Variants in CRACD observed in about 807,000 individuals in gnomAD.
CRACD encodes capping protein inhibiting regulator of actin dynamics.
In CRACD, 56 loss-of-function variants were observed where a neutral mutation model predicts 106.8. The observed-to-expected ratio is 0.52, with a 90% CI of 0.42 to 0.66. The LOEUF (loss-of-function observed/expected upper bound fraction) is 0.66, where lower values mean the gene tolerates loss of function less well. Among genes scored for constraint, CRACD ranks in the 30% least tolerant of loss-of-function variants. CRACD has a pLI of 0.00. For synonymous variants in CRACD, 754 were observed against 670.8 expected (o/e 1.12, Z -1.92); for missense variants, 1,730 against 1,623.2 (o/e 1.07, Z -1.13).
intron 1 of CRACD, among the ~76,000 whole-genome samples, chr4:56,064,272 T>C (rs1732383845): frequency 6.6e-6 from 1 of 151,750 alleles, no homozygotes; most frequent in East Asian, 1.9e-4. Flanking sequence ...ATTTGCAAAT[T>C]TCTTCCATTC....
chr4:56,052,037 C>T (rs1284743571), intron 1 of CRACD, among the ~76,000 whole-genome samples: 1 of 152,120 alleles, frequency 6.6e-6, no homozygotes, highest in Non-Finnish European at 1.5e-5. Context: ...TAATGTAAAG[C>T]AATGGCTTTT....
chr4:56,235,348 G>A (rs897075278), intron 2 of CRACD, among the ~76,000 whole-genome samples: 1 of 152,214 alleles, frequency 6.6e-6, no homozygotes, highest in Non-Finnish European at 1.5e-5. Flanking sequence ...CTTTCATTTT[G>A]TGAGATGTCT....
chr4:56,253,546 C>A (rs1741168254), intron 2 of CRACD, among the ~76,000 whole-genome samples: 1 of 152,154 alleles, frequency 6.6e-6, no homozygotes, highest in Non-Finnish European at 1.5e-5. Context: ...AAAAGGATTT[C>A]TCCTCATTGC....
intron 4 of CRACD, among the ~76,000 whole-genome samples, chr4:56,307,320 A>G (rs1301459053): frequency 1.3e-5 from 2 of 152,124 alleles, no homozygotes; most frequent in African/African-American, 4.8e-5. Context: ...TCATGGCTTG[A>G]AGGTGGGAAA....
Position 56,324,130 on chromosome 4 carries a change from C to T in CRACD, c.3405C>T (p.Ser1135=). 2 of 1,613,274 alleles carry T rather than the reference C, an allele frequency of 1.2e-6. No individual in the cohort carries two copies. The highest frequency in any genetic ancestry group is 1.7e-6 in the Non-Finnish European group (2 of 1,179,646). The change falls in exon 10 of 11, where the codon AGC becomes AGT. Residue 1135 remains serine, a synonymous_variant. Transcript: ENST00000682029. ...ENVSVSVQPG[S]SSVSRAGSLH... ...TCAGTGTCAGCGTGCAGCCTGGAAG[C>T]AGCAGTGTCAGCAGAGCAGGTTCCC... is the stretch of plus-strand genomic sequence containing the variant.
At chr4:56,117,277 T>TC (rs999537819) in intron 1 of CRACD, among the ~76,000 whole-genome samples, 1 of 152,110 alleles carries the variant, frequency 6.6e-6, no homozygotes, top group African/African-American at 2.4e-5. Flanking sequence ...CGTCTCGGCC[T>TC]CCCAAAGTGC....
intron 4 of CRACD, among the ~76,000 whole-genome samples, chr4:56,299,412 A>T (rs767714259): frequency 6.6e-6 from 1 of 151,804 alleles, no homozygotes; most frequent in Non-Finnish European, 1.5e-5. Context: ...GCTCACTCCT[A>T]TAATTCCAGC....
chr4:56,086,368 C>G lies in CRACD; in HGVS notation c.-336+37069C>G, dbSNP rs146735867. On this transcript the variant is annotated intron_variant, in intron 1 of 10. Coordinates refer to ENST00000682029, the MANE Select transcript of CRACD (RefSeq NM_001393381.1). The stretch of plus-strand genomic sequence containing the variant: ...TCATGGCTCATTACAGCCTTGACCT[C>G]CTGGCCTCAAGCAATCCTCCTACCT... 1.2e-3 allele frequency among the ~76,000 whole-genome samples: 184 copies of G among 152,140 alleles called. 1 individual carries two copies. The highest frequency in any genetic ancestry group is 4.2e-3 in the African/African-American group (174 of 41,452).
chr4:56,107,114 G>A (rs1365020271), intron 1 of CRACD, among the ~76,000 whole-genome samples: 5 of 152,012 alleles, frequency 3.3e-5, no homozygotes, highest in East Asian at 1.9e-4. Context: ...CTGGGACTAC[G>A]GGCATGTGCC....
At chr4:56,225,270 T>G (rs1291578196) in intron 2 of CRACD, among the ~76,000 whole-genome samples, 1 of 152,188 alleles carries the variant, frequency 6.6e-6, no homozygotes, top group Non-Finnish European at 1.5e-5. Flanking sequence ...TTTTTTGTAG[T>G]TTTAGTAGAG....
intron 1 of CRACD, among the ~76,000 whole-genome samples, chr4:56,156,252 G>A (rs1210053813): frequency 1.3e-5 from 2 of 152,146 alleles, no homozygotes; most frequent in African/African-American, 2.4e-5. Context: ...ATGAGCCACC[G>A]CACCTGGCCG....
At chr4:56,246,251 T>C (rs913721103) in intron 2 of CRACD, among the ~76,000 whole-genome samples, 6 of 152,236 alleles carry the variant, frequency 3.9e-5, no homozygotes, top group African/African-American at 1.4e-4. Context: ...TTCTCATCTC[T>C]GCCCTCTCAT....
At chr4:56,119,713 G>A (rs1423573434) in intron 1 of CRACD, among the ~76,000 whole-genome samples, 1 of 151,938 alleles carries the variant, frequency 6.6e-6, no homozygotes, top group Non-Finnish European at 1.5e-5. Context: ...ATGACTTCTG[G>A]AAAGATATCC....
intron 10 of CRACD, among the ~76,000 whole-genome samples, chr4:56,326,884 C>T (rs986766336): frequency 2.6e-5 from 4 of 152,022 alleles, no homozygotes; most frequent in African/African-American, 9.7e-5. Flanking sequence ...GGATTACAGA[C>T]ACCTGCCAAC....
intron 1 of CRACD, among the ~76,000 whole-genome samples, chr4:56,081,847 A>G (rs1163950689): frequency 1.3e-5 from 2 of 152,032 alleles, no homozygotes; most frequent in African/African-American, 4.8e-5. Flanking sequence ...GTAGTGGTGC[A>G]CGCCCGTAAT....
At chr4:56,233,670 GT>G (rs1056871723) in intron 2 of CRACD, among the ~76,000 whole-genome samples, 2 of 152,044 alleles carry the variant, frequency 1.3e-5, no homozygotes, top group African/African-American at 4.8e-5. Context: ...TTAAAAACCT[GT>G]TTTGGCAACT....
chr4:56,214,954 C>T (rs992748138), intron 2 of CRACD, among the ~76,000 whole-genome samples: 9 of 150,672 alleles, frequency 6.0e-5, no homozygotes, highest in South Asian at 2.1e-4. Context: ...GAGCCGAGAT[C>T]GCACCATTGC....
At chr4:56,135,000 T>C (rs2109869748) in intron 1 of CRACD, among the ~76,000 whole-genome samples, 1 of 152,214 alleles carries the variant, frequency 6.6e-6, no homozygotes, top group African/African-American at 2.4e-5. Context: ...TATATGCTTT[T>C]GGGCCGGGCG....
At chr4:56,052,237 A>C (rs1441234292) in intron 1 of CRACD, among the ~76,000 whole-genome samples, 1 of 152,182 alleles carries the variant, frequency 6.6e-6, no homozygotes, top group Non-Finnish European at 1.5e-5. Context: ...TTTGCCACCC[A>C]GTATACAGAT....
Sources: gnomAD v4.1 joint callset for allele counts (sites outside exome capture counted in the v4.1 genomes callset) on GRCh38, gnomAD v4.1.1 for gene constraint, MANE v1.5 for transcripts, NCBI Gene and HGNC (gene_info 2026-07-23, HGNC 2026-07-21) for gene names.